The following RESF1 variants were observed in gnomAD, a reference collection of about 807,000 sequenced individuals.
The protein encoded by RESF1 is gonad expressed transcript.
Under a neutral mutation model 134.7 loss-of-function variants are expected in RESF1, and 65 were observed. That is an observed-to-expected ratio of 0.48 (90% CI 0.40 to 0.59). The LOEUF is 0.59. Among genes scored for constraint, RESF1 ranks in the 20% least tolerant of loss-of-function variants. The pLI is 0.00. For synonymous variants in RESF1, 762 were observed against 702.2 expected, an observed-to-expected ratio of 1.09 and a Z score of -1.35; for missense variants, 2,274 against 2,002.7, an observed-to-expected ratio of 1.14 and a Z score of -2.59.
intron 2 of RESF1, among the ~76,000 whole-genome samples, chr12:31,962,172 C>T (rs1366317137): frequency 6.6e-6 from 1 of 150,730 alleles, no homozygotes; most frequent in African/African-American, 2.4e-5. Flanking sequence ...GACCTGAAGT[C>T]ACCCCATCGT....
chr12:31,987,390 TTATGA>T (rs1194637900), intron 5 of RESF1, 68 bp downstream of exon 5: 4 of 895,958 alleles, frequency 4.5e-6, no homozygotes, highest in Non-Finnish European at 7.1e-6. Flanking sequence ...TGGATTATGG[TTATGA>T]TATGATTGTA....
chr12:31,983,964 A>G lies in RESF1; in HGVS notation c.3009A>G (p.Glu1003=), dbSNP rs554475312. 10 of 1,613,640 alleles carry G rather than the reference A, an allele frequency of 6.2e-6. No individual in the cohort carries two copies. The East Asian group carries it at 1.8e-4, about 29-fold the overall frequency. ...LEKSSLEHAT[E]KSTANDTCSS... ...AAAGTAGTTTGGAGCATGCCACTGA[A>G]AAAAGCACAGCTAACGATACGTGCT... Residue 1003 remains glutamate, a synonymous_variant, in exon 4 of 6, where the codon GAA becomes GAG. Transcript: ENST00000312561.
chr12:31,978,461 A>G (rs896107106), intron 3 of RESF1, among the ~76,000 whole-genome samples: 6 of 152,048 alleles, frequency 3.9e-5, no homozygotes, highest in Non-Finnish European at 8.8e-5. Context: ...CCATGTTACT[A>G]TTTAATTGTT....
At position 31,977,588 on chromosome 12, in the gene RESF1, T is replaced by C. The variant is rs184661347; in HGVS notation, c.-78-3290T>C. Among the ~76,000 whole-genome samples, 10 of 152,314 alleles carry C rather than the reference T, an allele frequency of 6.6e-5. No individual in the cohort carries two copies. The East Asian group carries it at 1.7e-3, about 26-fold the overall frequency. On this transcript the variant is annotated intron_variant, in intron 3 of 5. Coordinates refer to ENST00000312561, the MANE Select transcript of RESF1 (RefSeq NM_018169.4). The stretch of plus-strand genomic sequence containing the variant: ...AAGGCTTATTTTCATTCGTGGCATA[T>C]AGATAACCAATTGACCTAGCTTCAT...
Position 31,984,183 on chromosome 12 carries a change from G to C in RESF1, c.3228G>C (p.Val1076=). Residue 1076 remains valine (V), a synonymous_variant, in exon 4 of 6, where the codon GTG becomes GTC. Transcript: ENST00000312561. ...IEAVNTREGS[V]GQQTTYQTSE... is the part of the protein sequence containing the mutation. ...CTGTGAATACACGTGAAGGTTCTGT[G>C]GGCCAGCAAACTACATACCAGACCT... is the stretch of plus-strand genomic sequence containing the variant. 1 of 1,613,194 alleles carries C rather than the reference G, an allele frequency of 6.2e-7. No individual in the cohort carries two copies. The highest frequency in any genetic ancestry group is 2.2e-5 in the East Asian group (1 of 44,876).
chr12:31,965,145 C>T (rs537029980), intron 2 of RESF1, among the ~76,000 whole-genome samples: 2 of 152,112 alleles, frequency 1.3e-5, no homozygotes, highest in Non-Finnish European at 2.9e-5. Flanking sequence ...TTGGTAGAGG[C>T]GAGGTTTCAC....
At chr12:31,971,391 C>T (rs1376216662) in intron 3 of RESF1, among the ~76,000 whole-genome samples, 1 of 152,222 alleles carries the variant, frequency 6.6e-6, no homozygotes, top group African/African-American at 2.4e-5. Context: ...ATCCACCCAC[C>T]TCGGCCTCCC....
In RESF1 at chr12:31,985,909, C is replaced by T. The variant is rs190432005; in HGVS notation, c.4954C>T (p.Arg1652Trp). ...AAAGAATACAAACTCTGTGGAAGAA[C>T]GGAAGGATGTAAAGCCTCATCCTAG... ...LLKNTNSVEE[R>W]KDVKPHPRKE... is the part of the protein sequence containing the mutation. Residue 1652 changes from arginine to tryptophan, a missense_variant, in exon 4 of 6, where the codon CGG (arginine) becomes TGG (tryptophan). By Grantham distance (101) the Arg-to-Trp change is moderately radical (BLOSUM62 -3). Coordinates refer to ENST00000312561, the MANE Select transcript of RESF1 (RefSeq NM_018169.4). 1.2e-4 allele frequency: 181 copies of T among 1,512,428 alleles called. 2 individuals carry two copies. The highest frequency in any genetic ancestry group is 6.0e-4 in the South Asian group (43 of 71,676). 93.7% of individuals were successfully genotyped at this position (1,512,428 alleles called of 1,614,324 possible). A position where few individuals can be genotyped will look rare whatever the true frequency, so the allele number is the denominator to read the frequency against.
chr12:31,984,327 A>G lies in RESF1; in HGVS notation c.3372A>G (p.Gln1124=), dbSNP rs984262681. The change falls in exon 4 of 6, where the codon CAA becomes CAG. Residue 1124 remains glutamine, a synonymous_variant. Transcript: ENST00000312561. ...MKEIFPEQDD[Q]PYVVDKLAEP... is the part of the protein sequence containing the mutation. ...AAATATTTCCTGAACAGGATGATCA[A>G]CCCTATGTAGTAGACAAGTTGGCAG... is the stretch of plus-strand genomic sequence containing the variant. 2.5e-6 allele frequency: 4 copies of G among 1,613,908 alleles called. No homozygotes were observed. In the African/African-American group the frequency reaches 4.0e-5, roughly 16 times the overall value.
chr12:31,959,774 G>A (rs1452123460), intron 1 of RESF1: 1 of 151,978 alleles, frequency 6.6e-6, no homozygotes, highest in Admixed American at 6.6e-5. Context: ...CGGATGCCGA[G>A]CCTTGCACCG....
intron 2 of RESF1, among the ~76,000 whole-genome samples, chr12:31,968,933 G>A (rs1939454115): frequency 6.6e-6 from 1 of 151,992 alleles, no homozygotes; most frequent in Non-Finnish European, 1.5e-5. Flanking sequence ...TTAATAAATT[G>A]TCAACCCACT....
rs149091733 is a variant in RESF1, at chr12:31,982,020, A to C, written c.1065A>C (p.Arg355Ser). 521 of 1,614,146 alleles carry C rather than the reference A, an allele frequency of 3.2e-4. 1 individual carries two copies. Among genetic ancestry groups the C allele is most frequent in the Non-Finnish European group, 3.6e-4 (430 of 1,180,002 alleles). ...NSKQPFNSPI[R>S]SSVDGVQTLA... ...AACAGCCTTTTAACAGTCCCATTAG[A>C]TCTTCTGTGGATGGTGTTCAGACTC... Residue 355 changes from arginine to serine, a missense_variant, in exon 4 of 6, where the codon AGA becomes AGC. Physicochemically the swap from Arg to Ser is moderately radical, Grantham distance 110 (BLOSUM62 -1). Coordinates refer to ENST00000312561, the MANE Select transcript of RESF1 (RefSeq NM_018169.4).
chr12:31,960,274 C>T (rs1462900339), intron 1 of RESF1, among the ~76,000 whole-genome samples: 2 of 151,956 alleles, frequency 1.3e-5, no homozygotes, highest in African/African-American at 4.8e-5. Flanking sequence ...ACATCGAGTG[C>T]ATACTGTCTT....
In RESF1 at chr12:31,981,096, A is replaced by G. The variant is rs763418343; in HGVS notation, c.141A>G (p.Gln47=). ...QSSFSYPGSN[Q]EACMYPGNSN... ...CTTTCAGCTATCCTGGAAGTAACCAAGAAGCATGCATGTATCCCGGTAATT... is the reference window on the plus strand; with the variant it reads ...CTTTCAGCTATCCTGGAAGTAACCAGGAAGCATGCATGTATCCCGGTAATT... Residue 47 remains glutamine, a synonymous_variant, in exon 4 of 6, where the codon CAA becomes CAG. Transcript: ENST00000312561. The G allele has an allele frequency of 2.5e-6, 4 of 1,614,222 alleles. No individual in the cohort carries two copies. Among genetic ancestry groups the G allele is most frequent in the South Asian group, 2.2e-5 (2 of 91,082 alleles).
chr12:31,961,187 A>G (rs183240769), intron 2 of RESF1, among the ~76,000 whole-genome samples: 117 of 152,304 alleles, frequency 7.7e-4, no homozygotes, highest in South Asian at 2.3e-3. Flanking sequence ...TTTTTATTAT[A>G]TTTTATTACT....
At chr12:31,976,590 G>C (rs1384598896) in intron 3 of RESF1, among the ~76,000 whole-genome samples, 1 of 152,062 alleles carries the variant, frequency 6.6e-6, no homozygotes, top group African/African-American at 2.4e-5. Flanking sequence ...GGCTGAGACA[G>C]GAGAATCACT....
chr12:31,978,175 CTGTT>C (rs1939679743), intron 3 of RESF1, among the ~76,000 whole-genome samples: 2 of 152,016 alleles, frequency 1.3e-5, no homozygotes, highest in African/African-American at 2.4e-5. Context: ...TTACACTCAG[CTGTT>C]TGTTAGAGAT....
intron 4 of RESF1, 75 bp from the exon 5 acceptor site, chr12:31,987,164 A>C: frequency 1.3e-6 from 1 of 782,308 alleles, no homozygotes; most frequent in Non-Finnish European, 2.1e-6. Flanking sequence ...TTCAGCTTAC[A>C]TGATTTTCCT....
At chr12:31,986,395 A>G (rs1035370692) in intron 4 of RESF1, among the ~76,000 whole-genome samples, 2 of 152,200 alleles carry the variant, frequency 1.3e-5, no homozygotes, top group African/African-American at 2.4e-5. Context: ...AGGATAAGTA[A>G]TGATGAATAC....
Sources: gnomAD v4.1 joint callset for allele counts (sites outside exome capture counted in the v4.1 genomes callset) on GRCh38, gnomAD v4.1.1 for gene constraint, MANE v1.5 for transcripts, NCBI Gene and HGNC (gene_info 2026-07-23, HGNC 2026-07-21) for gene names.